The following DPF3 variants were observed in gnomAD, a reference collection of about 807,000 sequenced individuals.
The protein encoded by DPF3 is double PHD fingers 3.
Under a neutral mutation model 56.8 loss-of-function variants are expected in DPF3, and 18 were observed. That is an observed-to-expected ratio of 0.32 (90% CI 0.22 to 0.47). DPF3 has a LOEUF of 0.47. Among genes scored for constraint, DPF3 ranks in the 20% least tolerant of loss-of-function variants. The probability of loss-of-function intolerance (pLI) is 1.00; values close to 1 mark genes in which losing one functional copy is unlikely to be tolerated. For synonymous variants in DPF3, 188 were observed against 180.2 expected (o/e 1.04, Z -0.35); for missense variants, 403 against 488.8 (o/e 0.82, Z 1.65).
intron 6 of DPF3, among the ~76,000 whole-genome samples, chr14:72,710,654 A>C (rs1888613131): frequency 6.6e-6 from 1 of 152,230 alleles, no homozygotes. Context: ...AATTCTAAGA[A>C]GCGTCTAGGC....
intron 6 of DPF3, among the ~76,000 whole-genome samples, chr14:72,700,363 G>A (rs907711296): frequency 1.3e-5 from 2 of 152,158 alleles, no homozygotes; most frequent in Non-Finnish European, 2.9e-5. Context: ...TATTGAACAA[G>A]GGCCCCCGCA....
chr14:72,772,715 A>C (rs1266436788), intron 1 of DPF3, among the ~76,000 whole-genome samples: 2 of 152,230 alleles, frequency 1.3e-5, no homozygotes, highest in Non-Finnish European at 2.9e-5. Flanking sequence ...CTTTTCAAAG[A>C]CCAAAAATGG....
chr14:72,865,601 A>G (rs1295898264), intron 1 of DPF3, among the ~76,000 whole-genome samples: 1 of 152,212 alleles, frequency 6.6e-6, no homozygotes, highest in Non-Finnish European at 1.5e-5. Context: ...ATAGGAAGAA[A>G]TGGAAAGGGT....
chr14:72,773,098 T>C (rs1319721500), intron 1 of DPF3, among the ~76,000 whole-genome samples: 2 of 148,826 alleles, frequency 1.3e-5, no homozygotes, highest in East Asian at 3.9e-4. Context: ...TTTAGAGGAA[T>C]AAAAAAAGCA....
intron 6 of DPF3, among the ~76,000 whole-genome samples, chr14:72,699,153 C>T (rs1333482548): frequency 6.6e-6 from 1 of 152,092 alleles, no homozygotes; most frequent in Non-Finnish European, 1.5e-5. Flanking sequence ...GAGGTGCCTA[C>T]ACAGGATAGA....
intron 1 of DPF3, among the ~76,000 whole-genome samples, chr14:72,841,528 G>A (rs1255503703): frequency 6.6e-6 from 1 of 152,168 alleles, no homozygotes; most frequent in East Asian, 1.9e-4. Context: ...GGGGTTAGGG[G>A]AGAGATGGAG....
intron 8 of DPF3, among the ~76,000 whole-genome samples, chr14:72,631,160 G>A (rs1471445583): frequency 1.3e-5 from 2 of 152,196 alleles, no homozygotes; most frequent in Non-Finnish European, 1.5e-5. Flanking sequence ...ATGACTTGTT[G>A]GTGGTGGGGA....
Position 72,619,200 on chromosome 14 carries a change from G to T in DPF3, c.*97C>A. ...GGGACTATTTCTTTTCCTTGCAGTT[G>T]GTCTGGCTGGATATGTGGGAGGAGG... On this transcript the variant is annotated 3_prime_UTR_variant, in exon 11 of 11. Coordinates refer to ENST00000556509, the MANE Select transcript of DPF3 (RefSeq NM_001280542.3). 3 of 1,213,094 alleles carry T rather than the reference G, an allele frequency of 2.5e-6. No individual in the cohort carries two copies. The highest frequency in any genetic ancestry group is 4.6e-5 in the Admixed American group (2 of 43,332). The allele number at this position is 1,213,094 out of a possible 1,614,324, so 75.1% of individuals were successfully genotyped here. A position where few individuals can be genotyped will look rare whatever the true frequency, so the allele number is the denominator to read the frequency against.
intron 1 of DPF3, among the ~76,000 whole-genome samples, chr14:72,808,130 G>A (rs992908096): frequency 6.6e-6 from 1 of 152,146 alleles, no homozygotes; most frequent in African/African-American, 2.4e-5. Context: ...GGGATGGACT[G>A]AGAACTAGGA....
chr14:72,623,479 C>CAT (rs1235328749), intron 9 of DPF3, among the ~76,000 whole-genome samples: 2 of 151,938 alleles, frequency 1.3e-5, no homozygotes, highest in East Asian at 3.9e-4. Context: ...TGCAGATCTG[C>CAT]ATATATATGT....
Position 72,703,465 on chromosome 14 carries a change from G to A in DPF3, c.605-10252C>T, listed in dbSNP as rs192731857. On this transcript the variant is annotated intron_variant, in intron 6 of 10. Coordinates refer to ENST00000556509, the MANE Select transcript of DPF3 (RefSeq NM_001280542.3). ...AACAGAGACAAGCAACCAGACTCTC[G>A]TTTCAAAATATTCTATCACCTGATT... Among the ~76,000 whole-genome samples, 5 of 152,230 alleles carry A rather than the reference G, an allele frequency of 3.3e-5. No individual in the cohort carries two copies. The South Asian group carries it at 6.2e-4, about 19-fold the overall frequency.
chr14:72,855,599 C>T (rs1439227284), intron 1 of DPF3, among the ~76,000 whole-genome samples: 1 of 152,102 alleles, frequency 6.6e-6, no homozygotes, highest in Non-Finnish European at 1.5e-5. Context: ...CATGCCTTCC[C>T]CATTCCAGCC....
intron 7 of DPF3, among the ~76,000 whole-genome samples, chr14:72,677,507 C>G (rs921469836): frequency 6.6e-6 from 1 of 152,090 alleles, no homozygotes; most frequent in Non-Finnish European, 1.5e-5. Context: ...TATATTGAGT[C>G]TGTGTGCCTC....
At chr14:72,724,661 C>T (rs1250894787) in intron 4 of DPF3, among the ~76,000 whole-genome samples, 1 of 151,054 alleles carries the variant, frequency 6.6e-6, no homozygotes, top group Non-Finnish European at 1.5e-5. Flanking sequence ...AGGGAAGGGG[C>T]ATGGAGCTCA....
chr14:72,879,155 G>A (rs528435799), intron 1 of DPF3, among the ~76,000 whole-genome samples: 87 of 152,272 alleles, frequency 5.7e-4, no homozygotes, highest in African/African-American at 1.8e-3. Context: ...AGGCCGAGGC[G>A]GGTGGATCAC....
At position 72,611,918 on chromosome 14, in the gene DPF3, G is replaced by T. The variant is rs1209115019; in HGVS notation, c.*7379C>A. Among the ~76,000 whole-genome samples, 1 of 152,100 alleles carries T rather than the reference G, an allele frequency of 6.6e-6. No homozygotes were observed. Among genetic ancestry groups the T allele is most frequent in the East Asian group, 1.9e-4 (1 of 5,172 alleles). On this transcript the variant is annotated 3_prime_UTR_variant, in exon 11 of 11. Transcript: ENST00000556509. ...CACCTTCCGTGATGGCGCGATACTT[G>T]ACCTACAATCACGATTGCTTGGCAG...
chr14:72,617,539 A>G lies in DPF3; in HGVS notation c.*1758T>C, dbSNP rs927815331. Among the ~76,000 whole-genome samples, 3 of 152,168 alleles carry G rather than the reference A, an allele frequency of 2.0e-5. No individual in the cohort carries two copies. The highest frequency in any genetic ancestry group is 6.5e-5 in the Admixed American group (1 of 15,282). On this transcript the variant is annotated 3_prime_UTR_variant, in exon 11 of 11. Coordinates refer to ENST00000556509, the MANE Select transcript of DPF3 (RefSeq NM_001280542.3). The stretch of plus-strand genomic sequence containing the variant: ...CATCCGGTCGGGGGCCCTTTAAATG[A>G]GACCATTATGTATGTGTGTGATTCC...
At chr14:72,697,838 G>A (rs1887971332) in intron 6 of DPF3, among the ~76,000 whole-genome samples, 1 of 152,152 alleles carries the variant, frequency 6.6e-6, no homozygotes, top group Admixed American at 6.5e-5. Context: ...AAGAAAGCAA[G>A]GAGGAACCCA....
At chr14:72,863,100 A>ATGTG (rs1555514174) in intron 1 of DPF3, among the ~76,000 whole-genome samples, 76 of 110,532 alleles carry the variant, frequency 6.9e-4, no homozygotes, top group African/African-American at 2.6e-3. Flanking sequence ...ATATATATAT[A>ATGTG]TGTGTGTGTA....
Sources: allele counts gnomAD v4.1 joint callset (sites outside exome capture counted in the v4.1 genomes callset), GRCh38; gene constraint gnomAD v4.1.1; transcripts MANE v1.5; gene names NCBI Gene and HGNC (gene_info 2026-07-23, HGNC 2026-07-21).